Variants in SLC13A3 observed in about 807,000 individuals in gnomAD.
SLC13A3 encodes the protein solute carrier family 13 member 3.
A neutral mutation model predicts 59.0 loss-of-function variants in SLC13A3; 40 were observed. That is an observed-to-expected ratio of 0.68 (90% confidence interval 0.53 to 0.88). SLC13A3 has a LOEUF of 0.88. Ranked by LOEUF, SLC13A3 falls within the 40% of genes least tolerant of loss-of-function variation. SLC13A3 has a pLI of 0.00. For missense variants in SLC13A3, 699 were observed against 783.2 expected (o/e 0.89, Z 1.28); for synonymous variants, 317 against 330.3 (o/e 0.96, Z 0.44).
chr20:46,652,788 C>A (rs895513565), upstream of SLC13A3, among the ~76,000 whole-genome samples: 6 of 151,982 alleles, frequency 3.9e-5, no homozygotes, highest in Non-Finnish European at 8.8e-5. Context: ...GTTGGGTTGC[C>A]CAGTATTTGC....
intron 1 of SLC13A3, among the ~76,000 whole-genome samples, chr20:46,631,393 C>T (rs917472948): frequency 1.3e-5 from 2 of 152,104 alleles, no homozygotes; most frequent in Non-Finnish European, 2.9e-5. Flanking sequence ...AAGTGGCTTC[C>T]CTGAGGTCAC....
intron 7 of SLC13A3, 111 bp downstream of exon 7, chr20:46,589,049 C>A: frequency 1.1e-6 from 1 of 888,670 alleles, no homozygotes; most frequent in South Asian, 1.6e-5. Context: ...CGCCACGGGT[C>A]CTGGAATTCC....
chr20:46,636,912 T>G (rs2062801254), intron 1 of SLC13A3, among the ~76,000 whole-genome samples: 1 of 152,060 alleles, frequency 6.6e-6, no homozygotes, highest in Non-Finnish European at 1.5e-5. Context: ...GTGATTCTCC[T>G]GCCTTAGTCT....
intron 11 of SLC13A3, 64 bp from the exon 12 acceptor site, chr20:46,563,615 G>GGAGAGA (rs1555874384): frequency 7.0e-7 from 1 of 1,425,042 alleles, no homozygotes; most frequent in Non-Finnish European, 9.5e-7. Context: ...ACAGCAAGAG[G>GGAGAGA]GAGAGAGAGA....
chr20:46,596,053 G>A (rs1381483757), intron 5 of SLC13A3, 104 bp downstream of exon 5: 2 of 1,070,878 alleles, frequency 1.9e-6, no homozygotes, highest in African/African-American at 1.6e-5. Context: ...CCAGAGCCTG[G>A]CCCAGAGAAG....
intron 1 of SLC13A3, among the ~76,000 whole-genome samples, chr20:46,638,567 A>G (rs1019885879): frequency 2.6e-5 from 4 of 152,234 alleles, no homozygotes; most frequent in African/African-American, 9.6e-5. Context: ...CCCTGAGGGC[A>G]GGAGTGCCTT....
chr20:46,683,299 C>T (rs573008881), intron 1 of SLC13A3, among the ~76,000 whole-genome samples: 1 of 152,322 alleles, frequency 6.6e-6, no homozygotes, highest in Admixed American at 6.5e-5. Context: ...GATAAGGAAG[C>T]TGGAAGCTTG....
chr20:46,647,508 C>T (rs534223529), intron 1 of SLC13A3, among the ~76,000 whole-genome samples: 2 of 152,152 alleles, frequency 1.3e-5, no homozygotes, highest in Non-Finnish European at 2.9e-5. Context: ...TTGATGTAGT[C>T]CCTGGGGTAG....
intron 9 of SLC13A3, 124 bp downstream of exon 9, chr20:46,583,448 A>G: frequency 3.4e-6 from 5 of 1,481,734 alleles, no homozygotes; most frequent in Non-Finnish European, 4.4e-6. Context: ...TGGCTCAGAC[A>G]GTGAAAGGAG....
chr20:46,571,584 G>C (rs748146153), intron 10 of SLC13A3, among the ~76,000 whole-genome samples: 18 of 152,122 alleles, frequency 1.2e-4, no homozygotes, highest in Non-Finnish European at 2.2e-4. Context: ...TACGCACCCG[G>C]TGTCTTCTAG....
chr20:46,564,315 T>C (rs1490440394), intron 11 of SLC13A3, among the ~76,000 whole-genome samples: 1 of 152,252 alleles, frequency 6.6e-6, no homozygotes, highest in Non-Finnish European at 1.5e-5. Context: ...TTGTCACCTC[T>C]CCTGCCTACA....
intron 10 of SLC13A3, among the ~76,000 whole-genome samples, chr20:46,567,581 C>A (rs947576045): frequency 2.0e-5 from 3 of 152,104 alleles, no homozygotes; most frequent in Non-Finnish European, 4.4e-5. Context: ...AGAGCAATGC[C>A]CAGTGCTGAC....
intron 1 of SLC13A3, among the ~76,000 whole-genome samples, chr20:46,647,795 G>A (rs1292059545): frequency 6.6e-6 from 1 of 152,220 alleles, no homozygotes; most frequent in African/African-American, 2.4e-5. Flanking sequence ...CAGCAAAGCA[G>A]CAGTGGACAG....
intron 3 of SLC13A3, chr20:46,608,901 CA>C: frequency 6.4e-7 from 1 of 1,550,652 alleles, no homozygotes. Context: ...CCATCATATT[CA>C]CATTCCACCC....
chr20:46,600,430 G>A (rs1395287917), intron 3 of SLC13A3, among the ~76,000 whole-genome samples: 1 of 150,368 alleles, frequency 6.7e-6, no homozygotes, highest in Non-Finnish European at 1.5e-5. Context: ...AGGAAAGGAA[G>A]GAAGGAAGGA....
chr20:46,633,581 C>T (rs2062765355), intron 1 of SLC13A3, among the ~76,000 whole-genome samples: 1 of 152,130 alleles, frequency 6.6e-6, no homozygotes. Flanking sequence ...TCTGGGGCAA[C>T]TCTCCCTCAT....
At chr20:46,601,401 A>G (rs901364490) in intron 3 of SLC13A3, among the ~76,000 whole-genome samples, 2 of 152,064 alleles carry the variant, frequency 1.3e-5, no homozygotes, top group African/African-American at 4.8e-5. Context: ...TTCTTTTGAG[A>G]TAAGAGCTTG....
intron 8 of SLC13A3, among the ~76,000 whole-genome samples, chr20:46,586,598 A>G (rs2062194980): frequency 6.6e-6 from 1 of 152,152 alleles, no homozygotes; most frequent in African/African-American, 2.4e-5. Context: ...GTCTAAACCA[A>G]GTCCAAAATA....
At chr20:46,591,879 T>A (rs945061581) in intron 6 of SLC13A3, among the ~76,000 whole-genome samples, 1 of 152,082 alleles carries the variant, frequency 6.6e-6, no homozygotes, top group African/African-American at 2.4e-5. Context: ...AGGTCACACC[T>A]CTCACTTAAT....
Sources: allele counts gnomAD v4.1 joint callset (sites outside exome capture counted in the v4.1 genomes callset), GRCh38; gene constraint gnomAD v4.1.1; transcripts MANE v1.5; gene names NCBI Gene and HGNC (gene_info 2026-07-23, HGNC 2026-07-21).